The following TOX variants were observed in gnomAD, a reference collection of about 807,000 sequenced individuals.
The protein encoded by TOX is thymocyte selection-associated high mobility group box protein TOX.
In TOX, 11 loss-of-function variants were observed where a neutral mutation model predicts 53.7. The ratio of observed to expected loss-of-function variants is 0.20; its 90% CI spans 0.13 to 0.34. The LOEUF (loss-of-function observed/expected upper bound fraction) is 0.34, where lower values mean the gene tolerates loss of function less well. Ranked by LOEUF, TOX falls within the 10% of genes least tolerant of loss-of-function variation. TOX has a pLI of 1.00. For synonymous variants in TOX, 225 were observed against 245.3 expected (o/e 0.92, Z 0.77); for missense variants, 570 against 664.6 (o/e 0.86, Z 1.56).
chr8:59,038,359 T>C (rs549337463), intron 1 of TOX, among the ~76,000 whole-genome samples: 3 of 152,316 alleles, frequency 2.0e-5, no homozygotes, highest in East Asian at 1.9e-4. Flanking sequence ...GACAATTAAA[T>C]AGCAGCAGCA....
intron 3 of TOX, among the ~76,000 whole-genome samples, chr8:58,864,236 G>T (rs865824373): frequency 6.6e-6 from 1 of 152,066 alleles, no homozygotes; most frequent in South Asian, 2.1e-4. Context: ...TAAAAAATGT[G>T]GCTAAAAGCT....
intron 1 of TOX, among the ~76,000 whole-genome samples, chr8:59,096,439 C>G (rs1453891037): frequency 6.6e-6 from 1 of 152,154 alleles, no homozygotes; most frequent in Non-Finnish European, 1.5e-5. Flanking sequence ...TTCCTCTCCC[C>G]TTTTATGGGA....
chr8:59,107,724 C>A (rs565926347), intron 1 of TOX, among the ~76,000 whole-genome samples: 2 of 152,224 alleles, frequency 1.3e-5, no homozygotes, highest in Admixed American at 6.5e-5. Context: ...TGCCAACAGG[C>A]CTTTAGGGCA....
At chr8:58,886,539 C>A (rs1585880470) in intron 3 of TOX, among the ~76,000 whole-genome samples, 1 of 152,122 alleles carries the variant, frequency 6.6e-6, no homozygotes, top group Non-Finnish European at 1.5e-5. Context: ...CAGATTCTAC[C>A]TGTGGTCAGA....
At chr8:59,112,178 G>A (rs12334681) in intron 1 of TOX, among the ~76,000 whole-genome samples, 4,204 of 152,186 alleles carry the variant, frequency 0.028, 135 homozygotes, top group African/African-American at 0.075. Context: ...CTGCTGCACC[G>A]TCAACATCGA....
intron 1 of TOX, among the ~76,000 whole-genome samples, chr8:59,109,307 G>A (rs1296950513): frequency 6.6e-6 from 1 of 152,168 alleles, no homozygotes; most frequent in Non-Finnish European, 1.5e-5. Flanking sequence ...GTTTATGGGA[G>A]AAGATTACTA....
At chr8:58,943,774 T>C (rs540388828) in intron 2 of TOX, among the ~76,000 whole-genome samples, 1 of 152,266 alleles carries the variant, frequency 6.6e-6, no homozygotes, top group South Asian at 2.1e-4. Flanking sequence ...TATAGTGACA[T>C]GTACCCATCC....
chr8:58,941,011 A>T (rs1213117424), intron 2 of TOX, among the ~76,000 whole-genome samples: 1 of 152,214 alleles, frequency 6.6e-6, no homozygotes, highest in African/African-American at 2.4e-5. Context: ...TTTGACTGTT[A>T]TATGCAGATA....
At chr8:58,937,394 A>G (rs1267346284) in intron 3 of TOX, among the ~76,000 whole-genome samples, 1 of 152,204 alleles carries the variant, frequency 6.6e-6, no homozygotes, top group Non-Finnish European at 1.5e-5. Context: ...TTATGAACAG[A>G]AGGAAGCTCC....
At chr8:58,870,383 A>C (rs1193555916) in intron 3 of TOX, among the ~76,000 whole-genome samples, 1 of 152,184 alleles carries the variant, frequency 6.6e-6, no homozygotes, top group African/African-American at 2.4e-5. Flanking sequence ...ATTGATGGAA[A>C]AAACCAAGAT....
intron 2 of TOX, among the ~76,000 whole-genome samples, chr8:58,957,588 A>G (rs1209362638): frequency 6.6e-6 from 1 of 152,206 alleles, no homozygotes; most frequent in Non-Finnish European, 1.5e-5. Flanking sequence ...TTCTATAAAA[A>G]TCATTTCAAG....
chr8:58,815,883 T>C (rs1007353290), intron 6 of TOX, among the ~76,000 whole-genome samples, 159 bp from the exon 7 acceptor site: 5 of 152,206 alleles, frequency 3.3e-5, no homozygotes, highest in Non-Finnish European at 7.4e-5. Flanking sequence ...TTATTTGTAA[T>C]GTGATTTATA....
intron 1 of TOX, among the ~76,000 whole-genome samples, chr8:59,000,121 G>T (rs1341792995): frequency 1.3e-5 from 2 of 152,036 alleles, no homozygotes; most frequent in Admixed American, 6.6e-5. Flanking sequence ...GGTAGAATTT[G>T]ATCTAAAGAA....
At chr8:59,047,594 A>G (rs568199817) in intron 1 of TOX, among the ~76,000 whole-genome samples, 20 of 150,858 alleles carry the variant, frequency 1.3e-4, no homozygotes, top group Admixed American at 1.3e-3. Flanking sequence ...ACGGGGTTCC[A>G]CTATGTTGTC....
chr8:59,047,607 G>A (rs879737335), intron 1 of TOX, among the ~76,000 whole-genome samples: 14 of 151,172 alleles, frequency 9.3e-5, no homozygotes, highest in Non-Finnish European at 1.8e-4. Context: ...ATGTTGTCCC[G>A]GCTGGAGTTC....
At chr8:58,933,712 C>T (rs1563393537) in intron 3 of TOX, among the ~76,000 whole-genome samples, 2 of 152,292 alleles carry the variant, frequency 1.3e-5, no homozygotes, top group South Asian at 2.1e-4. Context: ...CAGGAAAATG[C>T]TAGTCCTGAG....
chr8:58,862,201 T>C (rs1364020375), intron 3 of TOX, among the ~76,000 whole-genome samples: 1 of 152,162 alleles, frequency 6.6e-6, no homozygotes, highest in Admixed American at 6.6e-5. Flanking sequence ...ACAATCATTC[T>C]AGGAAAATTA....
chr8:58,878,239 C>T (rs1811319867), intron 3 of TOX, among the ~76,000 whole-genome samples: 2 of 151,792 alleles, frequency 1.3e-5, no homozygotes, highest in Admixed American at 6.6e-5. Flanking sequence ...CTAAAAACTC[C>T]TTTGCTCTCC....
intron 3 of TOX, among the ~76,000 whole-genome samples, chr8:58,889,512 T>A (rs1811527487): frequency 6.6e-6 from 1 of 151,824 alleles, no homozygotes; most frequent in Non-Finnish European, 1.5e-5. Context: ...GGGGTGAAAA[T>A]GGGAAGCTGG....
Sources: gnomAD v4.1 joint callset for allele counts (sites outside exome capture counted in the v4.1 genomes callset) on GRCh38, gnomAD v4.1.1 for gene constraint, MANE v1.5 for transcripts, NCBI Gene and HGNC (gene_info 2026-07-23, HGNC 2026-07-21) for gene names.